The following TRERF1 variants were observed in gnomAD, a reference collection of about 807,000 sequenced individuals.
TRERF1 encodes transcriptional-regulating factor 1.
Under a neutral mutation model 122.9 loss-of-function variants are expected in TRERF1, and 27 were observed. The ratio of observed to expected loss-of-function variants is 0.22; its 90% confidence interval spans 0.16 to 0.30. The LOEUF (loss-of-function observed/expected upper bound fraction) is 0.30, where lower values mean the gene tolerates loss of function less well. Ranked by LOEUF, TRERF1 falls within the 10% of genes least tolerant of loss-of-function variation. The pLI is 1.00. For synonymous variants in TRERF1, 636 were observed against 641.7 expected (o/e 0.99, Z 0.13); for missense variants, 1,248 against 1,560.3 (o/e 0.80, Z 3.37).
chr6:42,229,787 T>G (rs1045183734), intron 17 of TRERF1, among the ~76,000 whole-genome samples: 2 of 152,136 alleles, frequency 1.3e-5, no homozygotes, highest in African/African-American at 4.8e-5. Flanking sequence ...GGGGATAAAA[T>G]GATATATTGC....
intron 2 of TRERF1, among the ~76,000 whole-genome samples, chr6:42,388,275 G>A (rs2151215879): frequency 6.6e-6 from 1 of 151,244 alleles, no homozygotes; most frequent in African/African-American, 2.4e-5. Flanking sequence ...GGAACAGGAT[G>A]GGAAATACTA....
chr6:42,270,631 G>A (rs1232672761), intron 4 of TRERF1, among the ~76,000 whole-genome samples: 1 of 152,116 alleles, frequency 6.6e-6, no homozygotes, highest in Non-Finnish European at 1.5e-5. Flanking sequence ...AACGATGCAT[G>A]TAATCAAAAG....
chr6:42,303,374 T>C (rs1256392474), intron 3 of TRERF1, among the ~76,000 whole-genome samples: 2 of 152,222 alleles, frequency 1.3e-5, no homozygotes, highest in Admixed American at 6.5e-5. Context: ...AGAAATGCTT[T>C]CCTAAGGAAT....
At chr6:42,286,360 C>A (rs1368718857) in intron 4 of TRERF1, among the ~76,000 whole-genome samples, 1 of 140,854 alleles carries the variant, frequency 7.1e-6, no homozygotes, top group Non-Finnish European at 1.5e-5. Context: ...AGGCAACACA[C>A]AAAATGGGAG....
intron 2 of TRERF1, among the ~76,000 whole-genome samples, chr6:42,420,096 T>C (rs555276910): frequency 5.9e-5 from 9 of 152,322 alleles, no homozygotes; most frequent in African/African-American, 1.9e-4. Flanking sequence ...AGCAATGTGA[T>C]TTAACCTACC....
chr6:42,309,166 G>A (rs1452102107), intron 3 of TRERF1, among the ~76,000 whole-genome samples: 1 of 152,156 alleles, frequency 6.6e-6, no homozygotes, highest in African/African-American at 2.4e-5. Flanking sequence ...AAAAGGCAGG[G>A]TCGATTTGTG....
chr6:42,387,730 A>G (rs1219936384), intron 2 of TRERF1, among the ~76,000 whole-genome samples: 1 of 152,244 alleles, frequency 6.6e-6, no homozygotes, highest in Non-Finnish European at 1.5e-5. Context: ...CCAATTTCAT[A>G]TGTTCACATT....
chr6:42,418,613 C>T (rs1782281493), intron 2 of TRERF1, among the ~76,000 whole-genome samples: 1 of 152,030 alleles, frequency 6.6e-6, no homozygotes, highest in African/African-American at 2.4e-5. Flanking sequence ...GCTGCTGGTG[C>T]AGGGACTGTG....
rs142541864 is a variant in TRERF1, at chr6:42,249,799, G to A, written c.2657-3255C>T. Among the ~76,000 whole-genome samples the A allele has an allele frequency of 3.3e-3, 497 of 152,298 alleles. 3 individuals are homozygous for A. Among genetic ancestry groups the A allele is most frequent in the Non-Finnish European group, 5.1e-3 (346 of 68,032 alleles). ...GTGCAAATGATAGTGCTCTGTGTGT[G>A]CATGTGTTAGTGTCTGCTCAACAGG... On this transcript the variant is annotated intron_variant, in intron 13 of 17. Coordinates refer to ENST00000372922, the Ensembl canonical transcript of TRERF1.
In TRERF1 at chr6:42,261,040, TC is replaced by T. The variant is rs560088019; in HGVS notation, c.1885-1318del. 4.9e-5 allele frequency among the ~76,000 whole-genome samples: 7 copies of T among 142,266 alleles called. No individual in the cohort carries two copies. In the East Asian group the frequency reaches 1.7e-3, roughly 35 times the overall value. 93.3% of individuals were successfully genotyped at this position (142,266 alleles called of 152,430 possible). On this transcript the variant is annotated intron_variant, in intron 8 of 17. Coordinates refer to ENST00000372922, the Ensembl canonical transcript of TRERF1. ...TACCCCCGCCCCCACCCCTCCCCTATCCCCGCGCCTCACCCCCAGGGGACCC... is the reference window on the plus strand; with the variant it reads ...TACCCCCGCCCCCACCCCTCCCCTATCCCGCGCCTCACCCCCAGGGGACCC...
intron 2 of TRERF1, among the ~76,000 whole-genome samples, chr6:42,378,132 G>A (rs1775232259): frequency 1.3e-5 from 2 of 152,190 alleles, no homozygotes; most frequent in South Asian, 4.1e-4. Flanking sequence ...CCAGGTTGAG[G>A]GGCAGGTGAG....
chr6:42,274,663 AGT>A (rs1780850669), intron 4 of TRERF1, among the ~76,000 whole-genome samples: 1 of 152,170 alleles, frequency 6.6e-6, no homozygotes, highest in African/African-American at 2.4e-5. Context: ...TGGGCAAGAG[AGT>A]GAGACCCTGT....
intron 2 of TRERF1, among the ~76,000 whole-genome samples, chr6:42,368,930 T>C (rs1773264207): frequency 6.6e-6 from 1 of 152,230 alleles, no homozygotes; most frequent in East Asian, 1.9e-4. Context: ...CAGAGAATAG[T>C]AACATTTTAG....
At chr6:42,230,418 A>AT (rs372331973) in intron 17 of TRERF1, among the ~76,000 whole-genome samples, 35 of 151,486 alleles carry the variant, frequency 2.3e-4, no homozygotes, top group Non-Finnish European at 2.6e-4. Flanking sequence ...TGAAATACTG[A>AT]TTTTTTTTAA....
chr6:42,445,375 C>CAG (rs1787319727), intron 2 of TRERF1, among the ~76,000 whole-genome samples: 1 of 151,702 alleles, frequency 6.6e-6, no homozygotes, highest in Admixed American at 6.6e-5. Flanking sequence ...CACACACACA[C>CAG]ACACACACAC....
intron 4 of TRERF1, among the ~76,000 whole-genome samples, chr6:42,280,119 G>A (rs747416718): frequency 1.3e-5 from 2 of 150,994 alleles, no homozygotes; most frequent in Non-Finnish European, 3.0e-5. Context: ...TACCGGCGGC[G>A]ACACCGAGCT....
intron 2 of TRERF1, among the ~76,000 whole-genome samples, chr6:42,377,486 A>G (rs1361491367): frequency 6.6e-6 from 1 of 152,246 alleles, no homozygotes; most frequent in Non-Finnish European, 1.5e-5. Flanking sequence ...ATGTTGTAGC[A>G]TGTATCAGTA....
chr6:42,240,807 C>A (rs766937687), intron 15 of TRERF1, among the ~76,000 whole-genome samples: 1 of 152,324 alleles, frequency 6.6e-6, no homozygotes, highest in Admixed American at 6.5e-5. Flanking sequence ...GGGTTACCCA[C>A]AGCACTACAT....
chr6:42,246,405 A>G lies in TRERF1; in HGVS notation c.2745+51T>C, dbSNP rs372930387. ...CAAATATTTCTAAATATTTTTGTGT[A>G]CAATTTCCCAAATTTAATTTCAAGG... On this transcript the variant is annotated intron_variant, in intron 14 of 17. Transcript: ENST00000372922. The G allele has an allele frequency of 3.0e-6, 4 of 1,333,748 alleles. No homozygotes were observed. The African/African-American group carries it at 4.4e-5, about 15-fold the overall frequency. The allele number at this position is 1,333,748 out of a possible 1,614,324, so 82.6% of individuals were successfully genotyped here. A position where few individuals can be genotyped will look rare whatever the true frequency, so the allele number is the denominator to read the frequency against.
Sources: allele counts gnomAD v4.1 joint callset (sites outside exome capture counted in the v4.1 genomes callset), GRCh38; gene constraint gnomAD v4.1.1; transcripts MANE v1.5; gene names NCBI Gene and HGNC (gene_info 2026-07-23, HGNC 2026-07-21).